ANTXR2: variants seen among roughly 807,000 people sequenced by gnomAD.
ANTXR2 encodes the protein anthrax toxin receptor 2.
A neutral mutation model predicts 73.7 loss-of-function variants in ANTXR2; 44 were observed. The ratio of observed to expected loss-of-function variants is 0.60; its 90% CI spans 0.47 to 0.77. ANTXR2 has a LOEUF of 0.77. ANTXR2 is among the 30% of genes least tolerant of loss of function. ANTXR2 has a pLI of 0.00. For synonymous variants in ANTXR2, 217 were observed against 205.9 expected (o/e 1.05, Z -0.46); for missense variants, 604 against 592.5 (o/e 1.02, Z -0.20).
At chr4:79,913,759 T>C (rs926304261) in intron 16 of ANTXR2, among the ~76,000 whole-genome samples, 2 of 152,176 alleles carry the variant, frequency 1.3e-5, no homozygotes, top group African/African-American at 2.4e-5. Context: ...CACGAAGTCC[T>C]GTGGCTTTTC....
chr4:79,926,698 T>G (rs1477871820), intron 16 of ANTXR2, among the ~76,000 whole-genome samples: 1 of 152,124 alleles, frequency 6.6e-6, no homozygotes, highest in Non-Finnish European at 1.5e-5. Context: ...ATTATCTAAG[T>G]CTTTTCTCTT....
chr4:79,915,862 C>CTCTATATA lies in ANTXR2; in HGVS notation c.1429-8396_1429-8395insTATATAGA, dbSNP rs377006532. ...TCTCTCTCTCTCTCTCTCTCTCTCT[C>CTCTATATA]TATATATATATATATACATAAAGAA... On this transcript the variant is annotated intron_variant, in intron 16 of 16. Coordinates refer to ENST00000403729, the MANE Select transcript of ANTXR2 (RefSeq NM_058172.6). Among the ~76,000 whole-genome samples, 649 of 123,806 alleles carry CTCTATATA rather than the reference C, an allele frequency of 5.2e-3. 4 individuals are homozygous for CTCTATATA. Among genetic ancestry groups the CTCTATATA allele is most frequent in the African/African-American group, 0.01 (341 of 32,870 alleles). 81.2% of individuals were successfully genotyped at this position (123,806 alleles called of 152,430 possible). A position where few individuals can be genotyped will look rare whatever the true frequency, so the allele number is the denominator to read the frequency against.
chr4:79,905,670 A>T lies in ANTXR2; in HGVS notation c.*1759T>A, dbSNP rs1384094880. 6.6e-6 allele frequency: 1 copy of T among 152,164 alleles called. No homozygotes were observed. Among genetic ancestry groups the T allele is most frequent in the Non-Finnish European group, 1.5e-5 (1 of 68,036 alleles). 9.4% of individuals were successfully genotyped at this position (152,164 alleles called of 1,614,324 possible). ...TTGAGCAAAAGTTTCAAGCTAGAGG[A>T]TATATATGTATAGAAAATTATATAT... On this transcript the variant is annotated 3_prime_UTR_variant, in exon 17 of 17. Coordinates refer to ENST00000403729, the MANE Select transcript of ANTXR2 (RefSeq NM_058172.6).
chr4:80,057,741 T>C lies in ANTXR2; in HGVS notation c.297-1728A>G, dbSNP rs559459015. Among the ~76,000 whole-genome samples, 5 of 152,150 alleles carry C rather than the reference T, an allele frequency of 3.3e-5. No homozygotes were observed. In the South Asian group the frequency reaches 1.0e-3, roughly 32 times the overall value. On this transcript the variant is annotated intron_variant, in intron 3 of 16. Coordinates refer to ENST00000403729, the MANE Select transcript of ANTXR2 (RefSeq NM_058172.6). ...CTCCTAAAAACATTCAACTTTCTAA[T>C]AATTTAACTAATTTAATTTAAATAT...
intron 16 of ANTXR2, among the ~76,000 whole-genome samples, chr4:79,936,268 T>A (rs1194340109): frequency 6.6e-6 from 1 of 151,800 alleles, no homozygotes; most frequent in East Asian, 1.9e-4. Context: ...ATTTAATTGA[T>A]CTCTATTCAG....
intron 7 of ANTXR2, among the ~76,000 whole-genome samples, chr4:80,051,411 G>A (rs999296106): frequency 6.6e-6 from 1 of 151,628 alleles, no homozygotes; most frequent in Admixed American, 6.6e-5. Flanking sequence ...CTTAAGAATA[G>A]TAAGGGCTCA....
intron 16 of ANTXR2, among the ~76,000 whole-genome samples, chr4:79,926,960 CAT>C (rs1727824139): frequency 4.2e-5 from 2 of 47,490 alleles, no homozygotes; most frequent in Middle Eastern, 0.017. Context: ...TATACGTGTG[CAT>C]ATATGTGTAT....
At chr4:80,006,620 C>T (rs958384581) in intron 12 of ANTXR2, among the ~76,000 whole-genome samples, 2 of 151,980 alleles carry the variant, frequency 1.3e-5, no homozygotes, top group Non-Finnish European at 2.9e-5. Flanking sequence ...CTTTATGCCT[C>T]GTAGAAAGTA....
intron 10 of ANTXR2, among the ~76,000 whole-genome samples, chr4:80,025,824 AAT>A (rs1732409403): frequency 1.3e-5 from 2 of 152,236 alleles, no homozygotes; most frequent in East Asian, 3.9e-4. Flanking sequence ...AGCATATCTC[AAT>A]ATGTGTAATA....
At position 80,008,562 on chromosome 4, in the gene ANTXR2, T is replaced by A. The variant is rs1248308106; in HGVS notation, c.1000A>T (p.Ile334Phe). The change falls in exon 12 of 17, where the codon ATC (isoleucine) becomes TTC (phenylalanine). Residue 334 changes from isoleucine to phenylalanine, a missense_variant. Ile to Phe is a conservative substitution (Grantham distance 21, BLOSUM62 0). Transcript: ENST00000403729. ...GGCCAAAACCACCACATCAAACCGA[T>A]CCCCAGGAGTAGCAGTAACACCAAA... ...VILVLLLLLG[I>F]GLMWWFWPLC... 2 of 1,608,044 alleles carry A rather than the reference T, an allele frequency of 1.2e-6. No homozygotes were observed. Among genetic ancestry groups the A allele is most frequent in the African/African-American group, 2.7e-5 (2 of 74,546 alleles).
At chr4:79,922,035 T>C (rs1727612486) in intron 16 of ANTXR2, among the ~76,000 whole-genome samples, 2 of 152,106 alleles carry the variant, frequency 1.3e-5, no homozygotes, top group South Asian at 4.1e-4. Flanking sequence ...TAATAACATA[T>C]ACGGATTAAA....
At chr4:80,027,391 A>C (rs1249073937) in intron 10 of ANTXR2, among the ~76,000 whole-genome samples, 2 of 152,158 alleles carry the variant, frequency 1.3e-5, no homozygotes, top group Non-Finnish European at 2.9e-5. Context: ...AAAAGATTCT[A>C]TTATGAAGCC....
intron 3 of ANTXR2, among the ~76,000 whole-genome samples, chr4:80,065,366 T>A (rs578089165): frequency 6.6e-6 from 1 of 152,308 alleles, no homozygotes; most frequent in African/African-American, 2.4e-5. Flanking sequence ...GCTATTTATG[T>A]GCATGTGTAT....
chr4:79,988,617 TG>T (rs1730313424), intron 12 of ANTXR2, among the ~76,000 whole-genome samples: 1 of 152,016 alleles, frequency 6.6e-6, no homozygotes, highest in Non-Finnish European at 1.5e-5. Flanking sequence ...CAAAGATATT[TG>T]AGACCTAACC....
chr4:79,966,750 A>T (rs559790053), intron 16 of ANTXR2, among the ~76,000 whole-genome samples: 1 of 152,222 alleles, frequency 6.6e-6, no homozygotes, highest in Non-Finnish European at 1.5e-5. Context: ...TTTGGATAAT[A>T]CTATTTTTAT....
At chr4:80,062,966 TG>T (rs1734332533) in intron 3 of ANTXR2, among the ~76,000 whole-genome samples, 1 of 151,744 alleles carries the variant, frequency 6.6e-6, no homozygotes. Context: ...CTCCTTCCTA[TG>T]CAATCATCAA....
chr4:80,047,623 A>G (rs1185126242), intron 7 of ANTXR2, among the ~76,000 whole-genome samples: 1 of 151,722 alleles, frequency 6.6e-6, no homozygotes, highest in African/African-American at 2.4e-5. Flanking sequence ...AACCGAATCA[A>G]TTAGAGTTCT....
intron 12 of ANTXR2, among the ~76,000 whole-genome samples, chr4:80,004,325 G>C (rs1731201134): frequency 6.6e-6 from 1 of 152,010 alleles, no homozygotes; most frequent in Admixed American, 6.6e-5. Flanking sequence ...GGGAATATCA[G>C]AAAATTCAGG....
chr4:80,023,311 T>G (rs1033351978), intron 10 of ANTXR2, among the ~76,000 whole-genome samples: 3 of 152,194 alleles, frequency 2.0e-5, no homozygotes, highest in Non-Finnish European at 4.4e-5. Flanking sequence ...TGTTGAGCTC[T>G]GTGCTTAAAC....
Sources: gnomAD v4.1 joint callset for allele counts (sites outside exome capture counted in the v4.1 genomes callset) on GRCh38, gnomAD v4.1.1 for gene constraint, MANE v1.5 for transcripts, NCBI Gene and HGNC (gene_info 2026-07-23, HGNC 2026-07-21) for gene names.